The following INSL6 variants were observed in gnomAD, a reference collection of about 807,000 sequenced individuals.
The protein encoded by INSL6 is insulin like 6.
INSL6 carries 16 observed loss-of-function variants against 9.4 expected under a neutral mutation model. That is an observed-to-expected ratio of 1.70 (90% CI 1.15 to 2.59). The LOEUF (loss-of-function observed/expected upper bound fraction) is 2.59. INSL6 is among the 30% of genes most tolerant of loss of function. The pLI, the probability that INSL6 is intolerant of heterozygous loss-of-function variation, is 0.00. For missense variants in INSL6, 391 were observed against 257.3 expected (o/e 1.52, Z -3.56); for synonymous variants, 154 against 96.9 (o/e 1.59, Z -3.46).
the INSL6 span, among the ~76,000 whole-genome samples, chr9:5,000,400 G>A: frequency 1.3e-5 from 2 of 152,146 alleles, no homozygotes; most frequent in East Asian, 3.9e-4. Flanking sequence ...GCTAACAGCA[G>A]TAATTTTTAA....
downstream of INSL6, among the ~76,000 whole-genome samples, chr9:5,163,454 C>T (rs908250957): frequency 6.6e-6 from 1 of 152,150 alleles, no homozygotes; most frequent in Non-Finnish European, 1.5e-5. Flanking sequence ...AGTGTAACTA[C>T]TATTACAGCA....
chr9:5,049,187 G>A, the INSL6 span, among the ~76,000 whole-genome samples: 8 of 152,138 alleles, frequency 5.3e-5, no homozygotes, highest in East Asian at 5.8e-4. Flanking sequence ...AAGAGCCTCC[G>A]TAAATACACT....
the INSL6 span, among the ~76,000 whole-genome samples, chr9:5,093,212 T>C: frequency 6.6e-6 from 1 of 152,150 alleles, no homozygotes; most frequent in African/African-American, 2.4e-5. Flanking sequence ...ATACTGTTAA[T>C]CCAACACAGG....
the INSL6 span, among the ~76,000 whole-genome samples, chr9:5,015,388 G>A: frequency 6.6e-6 from 1 of 152,200 alleles, no homozygotes; most frequent in African/African-American, 2.4e-5. Flanking sequence ...TCATAATAAT[G>A]CCAAGATGTT....
the INSL6 span, among the ~76,000 whole-genome samples, chr9:5,105,766 A>G: frequency 6.6e-6 from 1 of 152,240 alleles, no homozygotes; most frequent in Non-Finnish European, 1.5e-5. Flanking sequence ...CCACACATCT[A>G]CAACCATCTG....
chr9:5,106,496 T>G, the INSL6 span, among the ~76,000 whole-genome samples: 583 of 152,318 alleles, frequency 3.8e-3, 1 homozygote, highest in Non-Finnish European at 6.4e-3. Context: ...GTGTGGCGAC[T>G]CCTCAAGGAT....
the INSL6 span, among the ~76,000 whole-genome samples, chr9:4,997,183 C>T: frequency 1.3e-5 from 2 of 152,094 alleles, no homozygotes; most frequent in East Asian, 3.8e-4. Flanking sequence ...CTTTCTGCAT[C>T]AGCCTCCCAA....
intron 1 of INSL6, 42 bp from the exon 2 acceptor site, chr9:5,164,307 T>C: frequency 7.8e-7 from 1 of 1,278,510 alleles, no homozygotes; most frequent in Non-Finnish European, 1.1e-6. Flanking sequence ...TATTAAAATC[T>C]TCCTTTAGAT....
intron 2 of INSL6, among the ~76,000 whole-genome samples, chr9:5,140,232 A>G (rs1208491674): frequency 6.6e-6 from 1 of 152,152 alleles, no homozygotes; most frequent in African/African-American, 2.4e-5. Flanking sequence ...GACACCAACT[A>G]AAGCCATATA....
chr9:5,155,444 A>G (rs1364638813), intron 2 of INSL6, among the ~76,000 whole-genome samples: 1 of 151,040 alleles, frequency 6.6e-6, no homozygotes, highest in African/African-American at 2.4e-5. Context: ...CCTGCACGTT[A>G]TGCACATGTA....
At chr9:5,112,371 C>G in the INSL6 span, 2 of 400,114 alleles carry the variant, frequency 5.0e-6, no homozygotes, top group East Asian at 5.4e-5. Flanking sequence ...CTAGGGCGAG[C>G]AGGCCACTGG....
the INSL6 span, among the ~76,000 whole-genome samples, chr9:5,087,864 G>A: frequency 1.3e-5 from 2 of 152,140 alleles, no homozygotes; most frequent in Admixed American, 1.3e-4. Context: ...TGACATGACT[G>A]TATTTAAAAA....
At chr9:5,031,508 T>C in the INSL6 span, among the ~76,000 whole-genome samples, 4 of 152,188 alleles carry the variant, frequency 2.6e-5, no homozygotes, top group African/African-American at 9.6e-5. Context: ...GAATAGTTGA[T>C]TAGCTGTTTG....
At chr9:5,029,888 A>T in the INSL6 span, 2 of 1,611,052 alleles carry the variant, frequency 1.2e-6, no homozygotes. Flanking sequence ...ACCAGGCATA[A>T]TGTACTCTAC....
the INSL6 span, chr9:5,111,362 C>T: frequency 2.5e-6 from 1 of 407,316 alleles, no homozygotes; most frequent in South Asian, 2.0e-5. Context: ...GGTACTACCC[C>T]TCCTACGCCA....
the INSL6 span, among the ~76,000 whole-genome samples, chr9:5,118,118 G>A: frequency 4.6e-5 from 7 of 152,072 alleles, no homozygotes; most frequent in South Asian, 8.3e-4. Context: ...CGGAGACCTC[G>A]CCACTGCACT....
the INSL6 span, chr9:5,099,100 C>G: frequency 6.6e-6 from 1 of 152,178 alleles, no homozygotes; most frequent in East Asian, 1.9e-4. Context: ...AATACCCATC[C>G]ATATATTAAT....
intron 2 of INSL6, among the ~76,000 whole-genome samples, chr9:5,154,311 C>G (rs1824773495): frequency 6.6e-6 from 1 of 152,166 alleles, no homozygotes; most frequent in South Asian, 2.1e-4. Context: ...ACACCTTATA[C>G]AAAAATTAAT....
chr9:5,109,121 A>G, the INSL6 span: 1 of 152,128 alleles, frequency 6.6e-6, no homozygotes, highest in South Asian at 2.1e-4. Flanking sequence ...TTAATATACT[A>G]ATTACAACCC....
Sources: allele counts gnomAD v4.1 joint callset (sites outside exome capture counted in the v4.1 genomes callset), GRCh38; gene constraint gnomAD v4.1.1; transcripts MANE v1.5; gene names NCBI Gene and HGNC (gene_info 2026-07-23, HGNC 2026-07-21).